Variants in SYNPO2 observed in about 807,000 individuals in gnomAD.
SYNPO2 encodes synaptopodin-2.
Under a neutral mutation model 85.0 loss-of-function variants are expected in SYNPO2, and 56 were observed. The ratio of observed to expected loss-of-function variants is 0.66; its 90% CI spans 0.53 to 0.82. The LOEUF (loss-of-function observed/expected upper bound fraction) is 0.82, where lower values mean the gene tolerates loss of function less well. Among genes scored for constraint, SYNPO2 ranks in the 40% least tolerant of loss-of-function variants. SYNPO2 has a pLI of 0.00. For missense variants in SYNPO2, 1,575 were observed against 1,534.2 expected (o/e 1.03, Z -0.44); for synonymous variants, 602 against 591.1 (o/e 1.02, Z -0.27).
intron 1 of SYNPO2, among the ~76,000 whole-genome samples, chr4:118,859,691 C>T (rs1731576153): frequency 6.6e-6 from 1 of 152,204 alleles, no homozygotes; most frequent in South Asian, 2.1e-4. Flanking sequence ...CTTTCTGTGC[C>T]TGGCTTATTT....
chr4:118,931,105 A>G (rs968686085), intron 1 of SYNPO2, among the ~76,000 whole-genome samples: 1 of 152,144 alleles, frequency 6.6e-6, no homozygotes, highest in African/African-American at 2.4e-5. Context: ...AAATACTATC[A>G]TATCTTAGAT....
intron 1 of SYNPO2, among the ~76,000 whole-genome samples, chr4:118,933,887 T>C (rs1734017158): frequency 7.0e-6 from 1 of 142,020 alleles, no homozygotes; most frequent in South Asian, 2.3e-4. Context: ...ATTGAGTTTA[T>C]ACATGTAGGA....
intron 1 of SYNPO2, among the ~76,000 whole-genome samples, chr4:118,975,035 C>T (rs1218101769): frequency 6.6e-6 from 1 of 152,194 alleles, no homozygotes; most frequent in East Asian, 1.9e-4. Context: ...GCATTCAAAA[C>T]TCTTTTCAAT....
upstream of SYNPO2, among the ~76,000 whole-genome samples, chr4:118,888,226 A>G (rs1052303777): frequency 1.3e-5 from 2 of 152,186 alleles, no homozygotes; most frequent in African/African-American, 4.8e-5. Flanking sequence ...ATGTAATTAT[A>G]AGAATGTAGT....
At chr4:118,984,588 C>T (rs566240512) in intron 1 of SYNPO2, among the ~76,000 whole-genome samples, 1 of 152,308 alleles carries the variant, frequency 6.6e-6, no homozygotes, top group South Asian at 2.1e-4. Context: ...TTAAACCATT[C>T]CCTCTGCCAG....
intron 1 of SYNPO2, among the ~76,000 whole-genome samples, chr4:118,999,221 T>C (rs1281410257): frequency 6.6e-6 from 1 of 152,180 alleles, no homozygotes; most frequent in African/African-American, 2.4e-5. Flanking sequence ...CCACCATGGC[T>C]CACCGCAGTC....
chr4:119,038,293 G>T, intron 4 of SYNPO2: 3 of 985,052 alleles, frequency 3.0e-6, no homozygotes, highest in Non-Finnish European at 3.6e-6. Flanking sequence ...TCCCAAGATG[G>T]CTCAGAAAAT....
chr4:118,853,000 C>A (rs116834347), intron 1 of SYNPO2, among the ~76,000 whole-genome samples: 6,274 of 152,274 alleles, frequency 0.041, 201 homozygotes, highest in Non-Finnish European at 0.064. Context: ...AATTGTCAAG[C>A]TCACAGTGGC....
intron 1 of SYNPO2, among the ~76,000 whole-genome samples, chr4:118,904,979 C>T (rs34395091): frequency 0.013 from 2,018 of 152,216 alleles, 31 homozygotes; most frequent in Non-Finnish European, 0.017. Context: ...TTTCAGGTCT[C>T]CAGTATTTTG....
chr4:118,900,663 T>TTCTCTCTCTCTCTCTCTC (rs376467151), intron 1 of SYNPO2, among the ~76,000 whole-genome samples: 4 of 77,564 alleles, frequency 5.2e-5, no homozygotes, highest in African/African-American at 1.1e-4. Flanking sequence ...TAGAATCTCT[T>TTCTCTCTCTCTCTCTCTC]TCTCTCTCTC....
chr4:119,026,898 C>G lies in SYNPO2; in HGVS notation c.529C>G (p.Arg177Gly), dbSNP rs944638697. 8 of 1,613,988 alleles carry G rather than the reference C, an allele frequency of 5.0e-6. No individual in the cohort carries two copies. The African/African-American group carries it at 9.3e-5, about 19-fold the overall frequency. ...CCAAATGCCTGACTCCCAAAGAGGA[C>G]GCGTGGCAGAAGAGCTGATCTTAAG... The part of the protein sequence containing the change: ...APQMPDSQRG[R>G]VAEELILREK... The change falls in exon 3 of 5, where the codon CGC (arginine) becomes GGC (glycine). Residue 177 changes from arginine to glycine, a missense_variant. By Grantham distance (125) the Arg-to-Gly change is moderately radical. Transcript: ENST00000307142.
At position 119,058,173 on chromosome 4, in the gene SYNPO2, T is replaced by A. The variant is rs1342360155; in HGVS notation, c.*239T>A. Reference sequence around the variant, plus strand: ...CCTTGTTGGCTGATCCATAGAGCATTACTTGGAAGAAAATTTCACTATTTG... The same window carrying A: ...CCTTGTTGGCTGATCCATAGAGCATAACTTGGAAGAAAATTTCACTATTTG... On this transcript the variant is annotated 3_prime_UTR_variant, in exon 5 of 5. Coordinates refer to ENST00000307142, the MANE Select transcript of SYNPO2 (RefSeq NM_133477.3). The A allele has an allele frequency of 6.7e-6, 2 of 296,718 alleles. No individual in the cohort carries two copies. Among genetic ancestry groups the A allele is most frequent in the South Asian group, 1.9e-4 (2 of 10,376 alleles). 18.4% of individuals were successfully genotyped at this position (296,718 alleles called of 1,614,324 possible). A position where few individuals can be genotyped will look rare whatever the true frequency, so the allele number is the denominator to read the frequency against.
At chr4:118,948,314 A>C (rs1272781238) in intron 1 of SYNPO2, among the ~76,000 whole-genome samples, 2 of 152,204 alleles carry the variant, frequency 1.3e-5, no homozygotes, top group African/African-American at 4.8e-5. Flanking sequence ...CTTAAGGAAG[A>C]AAAGAAGCAG....
intron 1 of SYNPO2, among the ~76,000 whole-genome samples, chr4:118,981,815 C>A: frequency 6.6e-6 from 1 of 152,220 alleles, no homozygotes; most frequent in East Asian, 1.9e-4. Flanking sequence ...TTCCTTTTTC[C>A]TCATGTACCT....
chr4:118,921,323 A>G (rs775605988), intron 1 of SYNPO2, among the ~76,000 whole-genome samples: 2 of 152,158 alleles, frequency 1.3e-5, no homozygotes, highest in African/African-American at 2.4e-5. Flanking sequence ...TCTCATAAGT[A>G]CTACTACCAT....
chr4:118,952,456 G>T lies in SYNPO2; in HGVS notation c.105+63315G>T, dbSNP rs560291858. On this transcript the variant is annotated intron_variant, in intron 1 of 4. Transcript: ENST00000307142. Reference sequence around the variant, plus strand: ...GCAGGTTTGTTACATATGTATATATGTGCCATGTGTAAACTTTTTAATTCA... The same window carrying T: ...GCAGGTTTGTTACATATGTATATATTTGCCATGTGTAAACTTTTTAATTCA... Among the ~76,000 whole-genome samples, 194 of 152,082 alleles carry T rather than the reference G, an allele frequency of 1.3e-3. 1 individual carries two copies. Among genetic ancestry groups the T allele is most frequent in the African/African-American group, 4.5e-3 (185 of 41,516 alleles).
intron 1 of SYNPO2, among the ~76,000 whole-genome samples, chr4:118,926,634 G>T (rs1169908224): frequency 6.6e-6 from 1 of 152,106 alleles, no homozygotes; most frequent in Non-Finnish European, 1.5e-5. Flanking sequence ...CTGAGAGCTG[G>T]GTTGCAGTTT....
chr4:119,034,385 A>G, intron 4 of SYNPO2: 1 of 978,760 alleles, frequency 1.0e-6, no homozygotes, highest in Non-Finnish European at 1.2e-6. Flanking sequence ...GGTATGCAGG[A>G]ATGAGAAGTG....
intron 2 of SYNPO2, among the ~76,000 whole-genome samples, chr4:119,024,303 T>A (rs1332837955): frequency 6.6e-6 from 1 of 152,226 alleles, no homozygotes; most frequent in African/African-American, 2.4e-5. Flanking sequence ...CATACTGATT[T>A]TGCAACGGAA....
Sources: allele counts gnomAD v4.1 joint callset (sites outside exome capture counted in the v4.1 genomes callset), GRCh38; gene constraint gnomAD v4.1.1; transcripts MANE v1.5; gene names NCBI Gene and HGNC (gene_info 2026-07-23, HGNC 2026-07-21).